Variants in USP48 observed in about 807,000 individuals in gnomAD.
USP48 encodes ubiquitin carboxyl-terminal hydrolase 48.
In USP48, 43 loss-of-function variants were observed where a neutral mutation model predicts 150.7. That is an observed-to-expected ratio of 0.29 (90% CI 0.22 to 0.37). The LOEUF is 0.37. Among genes scored for constraint, USP48 ranks in the 10% least tolerant of loss-of-function variants. The probability of loss-of-function intolerance (pLI) is 1.00; values close to 1 mark genes in which losing one functional copy is unlikely to be tolerated. For missense variants in USP48, 813 were observed against 1,249.6 expected, an observed-to-expected ratio of 0.65 and a Z score of 5.27; for synonymous variants, 396 against 425.9, an observed-to-expected ratio of 0.93 and a Z score of 0.86.
intron 1 of USP48, among the ~76,000 whole-genome samples, chr1:21,780,886 C>T (rs1222434830): frequency 1.3e-5 from 2 of 150,330 alleles, no homozygotes; most frequent in Non-Finnish European, 3.0e-5. Flanking sequence ...GGATTACAGG[C>T]GCCCGCCACC....
In USP48 at chr1:21,703,627, GA is replaced by G. The variant is rs370210128; in HGVS notation, c.2516-10del. The G allele has an allele frequency of 0.08, 84,761 of 1,062,582 alleles. 65 individuals carry two copies. Among genetic ancestry groups the G allele is most frequent in the South Asian group, 0.15 (7,639 of 50,392 alleles). 65.8% of individuals were successfully genotyped at this position (1,062,582 alleles called of 1,614,324 possible). A position where few individuals can be genotyped will look rare whatever the true frequency, so the allele number is the denominator to read the frequency against. On this transcript the variant is annotated splice_polypyrimidine_tract_variant and intron_variant, in intron 20 of 26. Transcript: ENST00000308271. ...GCATTCTGGACAGAGTTCTTTGGGG[GA>G]AAAAAAAAAAGGGAAAACAGAAGTG...
intron 22 of USP48, among the ~76,000 whole-genome samples, chr1:21,698,194 T>C (rs2097643060): frequency 6.6e-6 from 1 of 152,200 alleles, no homozygotes; most frequent in Admixed American, 6.5e-5. Flanking sequence ...TTTCAGGGAC[T>C]ATCTATTCTT....
chr1:21,720,975 G>A lies in USP48; in HGVS notation c.1894+61C>T. 8 of 1,589,214 alleles carry A rather than the reference G, an allele frequency of 5.0e-6. No homozygotes were observed. The South Asian group carries it at 5.7e-5, about 11-fold the overall frequency. On this transcript the variant is annotated intron_variant, in intron 14 of 26. Coordinates refer to ENST00000308271, the MANE Select transcript of USP48 (RefSeq NM_032236.8). ...CTACACGAATGAGCCACCGTGCCTG[G>A]CCCACTTATATTTTCATGGTATAGT...
intron 9 of USP48, among the ~76,000 whole-genome samples, chr1:21,735,209 T>A (rs12760820): frequency 0.051 from 7,731 of 152,306 alleles, 242 homozygotes; most frequent in Middle Eastern, 0.058. Flanking sequence ...AATTAAAAAC[T>A]GATCATTTGC....
intron 7 of USP48, 39 bp from the exon 8 acceptor site, chr1:21,747,188 C>G (rs1278698638): frequency 7.0e-7 from 1 of 1,436,656 alleles, no homozygotes; most frequent in South Asian, 1.2e-5. Context: ...ACATTTAAAA[C>G]AATCATAATA....
intron 12 of USP48, among the ~76,000 whole-genome samples, 166 bp from the exon 13 acceptor site, chr1:21,721,930 T>A (rs2097721919): frequency 6.6e-6 from 1 of 152,110 alleles, no homozygotes; most frequent in Admixed American, 6.6e-5. Context: ...CTAAGACAAT[T>A]AGAAACCAAG....
rs2097663320 is a variant in USP48 at position 21,703,503 on chromosome 1, G to A, written c.2622+9C>T. 1 of 1,605,280 alleles carries A rather than the reference G, an allele frequency of 6.2e-7. No homozygotes were observed. The highest frequency in any genetic ancestry group is 8.5e-7 in the Non-Finnish European group (1 of 1,173,886). ...CATTACTAGTCATTGCCACAAGAGG[G>A]ACCAGTACCTTTTTATTATCCACAA... On this transcript the variant is annotated intron_variant, in intron 21 of 26. Coordinates refer to ENST00000308271, the MANE Select transcript of USP48 (RefSeq NM_032236.8).
chr1:21,750,480 T>C (rs1183853653), intron 6 of USP48, among the ~76,000 whole-genome samples: 1 of 152,146 alleles, frequency 6.6e-6, no homozygotes, highest in African/African-American at 2.4e-5. Context: ...TCGCACTTTA[T>C]TTTACTGTCC....
At chr1:21,782,795 G>A (rs774610532) in intron 1 of USP48, 29 bp downstream of exon 1, 6 of 1,506,984 alleles carry the variant, frequency 4.0e-6, no homozygotes, top group South Asian at 2.5e-5. Flanking sequence ...GGCGCGAGGA[G>A]CCCGCGAGGC....
chr1:21,767,083 A>G (rs776052638), intron 1 of USP48, among the ~76,000 whole-genome samples: 1 of 152,128 alleles, frequency 6.6e-6, no homozygotes, highest in Admixed American at 6.6e-5. Flanking sequence ...AAAAACAAGA[A>G]CAACAACAAA....
At chr1:21,710,209 A>C (rs1378282062) in intron 15 of USP48, among the ~76,000 whole-genome samples, 1 of 152,128 alleles carries the variant, frequency 6.6e-6, no homozygotes, top group Non-Finnish European at 1.5e-5. Flanking sequence ...CTCCCAAAAC[A>C]AGATCAAAGC....
intron 8 of USP48, among the ~76,000 whole-genome samples, chr1:21,743,156 C>A (rs1314627474): frequency 1.3e-5 from 2 of 151,960 alleles, no homozygotes; most frequent in Non-Finnish European, 2.9e-5. Context: ...AAAAGCACCT[C>A]ATTTTGCAGG....
intron 14 of USP48, among the ~76,000 whole-genome samples, chr1:21,718,175 C>G (rs2097709882): frequency 6.6e-6 from 1 of 152,214 alleles, no homozygotes; most frequent in Non-Finnish European, 1.5e-5. Flanking sequence ...AGGACCCTCA[C>G]TGCATCTGTG....
chr1:21,729,869 T>C (rs2097752068), intron 9 of USP48, 37 bp from the exon 10 acceptor site: 4 of 1,613,352 alleles, frequency 2.5e-6, no homozygotes, highest in Non-Finnish European at 3.4e-6. Context: ...TTAACTTAAG[T>C]GCCTAGAGTT....
At chr1:21,696,228 C>G (rs747583867) in intron 22 of USP48, among the ~76,000 whole-genome samples, 5 of 152,026 alleles carry the variant, frequency 3.3e-5, no homozygotes, top group Non-Finnish European at 7.4e-5. Context: ...CACCTGAGGT[C>G]AGGAGTTCGA....
chr1:21,747,036 TATA>T lies in USP48; in HGVS notation c.991+28_991+30del, dbSNP rs747105106. On this transcript the variant is annotated intron_variant, in intron 8 of 26. Coordinates refer to ENST00000308271, the MANE Select transcript of USP48 (RefSeq NM_032236.8). The stretch of plus-strand genomic sequence containing the variant: ...ATCACAAGTTAGAGTCTCTGAGCAT[TATA>T]ATGTTTACTCCTCAGTAAAAATATT... The T allele has an allele frequency of 1.1e-5, 17 of 1,514,958 alleles. No individual in the cohort carries two copies. The East Asian group carries it at 2.5e-4, about 23-fold the overall frequency. The allele number at this position is 1,514,958 out of a possible 1,614,324, so 93.8% of individuals were successfully genotyped here.
At chr1:21,684,121 C>G (rs982034425) in intron 25 of USP48, among the ~76,000 whole-genome samples, 1 of 152,188 alleles carries the variant, frequency 6.6e-6, no homozygotes. Context: ...TTTCGATACA[C>G]TGATTTCTTT....
rs759537049 is a variant in USP48, at chr1:21,705,688, AAAG to A, written c.2384+36_2384+38del. ...TATTTTATTAATCATCAAAAAGAGA[AAAG>A]AAGAAAAAAAAATCACATGAAGAGA... On this transcript the variant is annotated intron_variant, in intron 19 of 26. Coordinates refer to ENST00000308271, the MANE Select transcript of USP48 (RefSeq NM_032236.8). 15 of 1,446,178 alleles carry A rather than the reference AAAG, an allele frequency of 1.0e-5. 1 individual carries two copies. Among genetic ancestry groups the A allele is most frequent in the South Asian group, 1.0e-4 (8 of 79,824 alleles). The allele number at this position is 1,446,178 out of a possible 1,614,324, so 89.6% of individuals were successfully genotyped here.
chr1:21,687,410 T>C (rs549289345), intron 24 of USP48, among the ~76,000 whole-genome samples, 171 bp from the exon 25 acceptor site: 5 of 152,224 alleles, frequency 3.3e-5, no homozygotes, highest in Admixed American at 6.5e-5. Flanking sequence ...GCAGATGCCC[T>C]GCTGGCTATG....
Sources: allele counts gnomAD v4.1 joint callset (sites outside exome capture counted in the v4.1 genomes callset), GRCh38; gene constraint gnomAD v4.1.1; transcripts MANE v1.5; gene names NCBI Gene and HGNC (gene_info 2026-07-23, HGNC 2026-07-21).